Variants in AFAP1L2 observed in about 807,000 individuals in gnomAD.
The protein encoded by AFAP1L2 is actin filament-associated protein 1-like 2.
Under a neutral mutation model 99.3 loss-of-function variants are expected in AFAP1L2, and 46 were observed. The observed-to-expected ratio is 0.46, with a 90% confidence interval of 0.37 to 0.59. The LOEUF (loss-of-function observed/expected upper bound fraction) is 0.59, where lower values mean the gene tolerates loss of function less well. Among genes scored for constraint, AFAP1L2 ranks in the 20% least tolerant of loss-of-function variants. The pLI is 0.00. For missense variants in AFAP1L2, 959 were observed against 1,034.9 expected, an observed-to-expected ratio of 0.93 and a Z score of 1.01; for synonymous variants, 397 against 419.1, an observed-to-expected ratio of 0.95 and a Z score of 0.64.
At chr10:114,355,246 C>A (rs1487760508) in intron 1 of AFAP1L2, among the ~76,000 whole-genome samples, 1 of 128,284 alleles carries the variant, frequency 7.8e-6, no homozygotes, top group Non-Finnish European at 1.5e-5. Flanking sequence ...CCTTTCTCTT[C>A]TCGCTCTCTC....
intron 1 of AFAP1L2, among the ~76,000 whole-genome samples, chr10:114,346,653 C>T (rs75326452): frequency 0.015 from 2,338 of 152,324 alleles, 31 homozygotes; most frequent in Non-Finnish European, 0.023. Context: ...ACTTTCATTT[C>T]GGTCTCTTCC....
At chr10:114,381,005 T>C (rs1051725702) in intron 1 of AFAP1L2, among the ~76,000 whole-genome samples, 1 of 152,230 alleles carries the variant, frequency 6.6e-6, no homozygotes, top group Admixed American at 6.5e-5. Flanking sequence ...TGTATGTATA[T>C]GCATGTGTGT....
At chr10:114,324,356 G>A (rs2045872219) in intron 4 of AFAP1L2, among the ~76,000 whole-genome samples, 1 of 148,470 alleles carries the variant, frequency 6.7e-6, no homozygotes, top group African/African-American at 2.6e-5. Context: ...CAATTCTCTT[G>A]CTACAGTTTC....
downstream of AFAP1L2, among the ~76,000 whole-genome samples, chr10:114,293,559 C>G (rs2039797694): frequency 6.6e-6 from 1 of 152,228 alleles, no homozygotes; most frequent in Non-Finnish European, 1.5e-5. Flanking sequence ...AAGTGCTATC[C>G]TATGGCCTAA....
Position 114,302,236 on chromosome 10 carries a change from G to A in AFAP1L2, c.1430+103C>T, listed in dbSNP as rs1405438016. 6.0e-6 allele frequency: 9 copies of A among 1,496,716 alleles called. No individual in the cohort carries two copies. The South Asian group carries it at 1.1e-4, about 18-fold the overall frequency. 92.7% of individuals were successfully genotyped at this position (1,496,716 alleles called of 1,614,324 possible). ...TTTTCCTGCTGCTGGGCAGAGTGGG[G>A]TGGGACCCTGTGCTCCCTGCTGCCC... On this transcript the variant is annotated intron_variant, in intron 12 of 18. Transcript: ENST00000304129.
rs775870784 is a variant in AFAP1L2 at position 114,383,610 on chromosome 10, C to T, written c.16+20830G>A. ...AGATGTAAAATTACTACACTGAACT[C>T]CTTACAGAGTGAAATAGCAATTTGA... On this transcript the variant is annotated intron_variant, in intron 1 of 18. Coordinates refer to ENST00000304129, the MANE Select transcript of AFAP1L2 (RefSeq NM_001001936.3). 1.3e-5 allele frequency among the ~76,000 whole-genome samples: 2 copies of T among 152,124 alleles called. 1 individual carries two copies. The highest frequency in any genetic ancestry group is 2.9e-5 in the Non-Finnish European group (2 of 68,026).
At chr10:114,301,011 G>A (rs2041067112) in intron 13 of AFAP1L2, among the ~76,000 whole-genome samples, 1 of 152,176 alleles carries the variant, frequency 6.6e-6, no homozygotes, top group East Asian at 1.9e-4. Flanking sequence ...TGCCCAAAAC[G>A]TGGAAGTTGC....
chr10:114,308,253 T>C (rs544014200), intron 9 of AFAP1L2, among the ~76,000 whole-genome samples, 180 bp downstream of exon 9: 1 of 152,366 alleles, frequency 6.6e-6, no homozygotes, highest in South Asian at 2.1e-4. Flanking sequence ...CAGCATTTCA[T>C]GAAGCTTAAC....
chr10:114,286,099 A>G, the AFAP1L2 span: 1 of 1,614,168 alleles, frequency 6.2e-7, no homozygotes, highest in East Asian at 2.2e-5. Flanking sequence ...GTGTGGCCAC[A>G]TACAGCAGGG....
chr10:114,304,041 G>T (rs1024030625), intron 11 of AFAP1L2, among the ~76,000 whole-genome samples: 4 of 152,190 alleles, frequency 2.6e-5, no homozygotes, highest in Admixed American at 6.5e-5. Flanking sequence ...GTCTGTTGAT[G>T]GGGAACCTCT....
intron 1 of AFAP1L2, among the ~76,000 whole-genome samples, chr10:114,378,991 C>T (rs887256181): frequency 5.3e-5 from 8 of 152,110 alleles, no homozygotes; most frequent in African/African-American, 1.7e-4. Context: ...GCGGGCAGAT[C>T]GCCTGAGGTC....
chr10:114,378,050 A>C (rs1271601508), intron 1 of AFAP1L2, among the ~76,000 whole-genome samples: 3 of 152,238 alleles, frequency 2.0e-5, no homozygotes, highest in Non-Finnish European at 4.4e-5. Context: ...AACCCGTGTT[A>C]AGGGAAAGGT....
chr10:114,394,385 A>T (rs2057469934), intron 1 of AFAP1L2, among the ~76,000 whole-genome samples: 5 of 152,136 alleles, frequency 3.3e-5, no homozygotes. Flanking sequence ...AGAAGCCTGA[A>T]ATTCAAGCCA....
At chr10:114,379,695 T>A (rs1565042803) in intron 1 of AFAP1L2, among the ~76,000 whole-genome samples, 1 of 152,206 alleles carries the variant, frequency 6.6e-6, no homozygotes. Flanking sequence ...TCCGCATGGG[T>A]TTACCCCACA....
Position 114,302,395 on chromosome 10 carries a change from G to C in AFAP1L2, c.1374C>G (p.Asp458Glu). 2 of 1,614,154 alleles carry C rather than the reference G, an allele frequency of 1.2e-6. No individual in the cohort carries two copies. The highest frequency in any genetic ancestry group is 1.7e-6 in the Non-Finnish European group (2 of 1,180,008). ...SKTDPEEFTY[D>E]YVDADRVSCI... ...AGGAGACCCTATCGGCATCCACATA[G>C]TCGTAGGTGAACTCTTCTGGGTCTG... Residue 458 changes from aspartate (D) to glutamate (E), a missense_variant, in exon 12 of 19, where the codon GAC (aspartate) becomes GAG (glutamate). Asp to Glu is a conservative substitution (Grantham distance 45). This residue lies in a region of AFAP1L2 where 576 missense variants were observed against 562.1 expected (regional missense o/e 1.02). Transcript: ENST00000304129.
the AFAP1L2 span, chr10:114,285,986 G>T: frequency 6.2e-7 from 1 of 1,612,690 alleles, no homozygotes; most frequent in Non-Finnish European, 8.5e-7. Flanking sequence ...CTTCCTGCTG[G>T]ACAGCTCTGC....
rs140913356 is a variant in AFAP1L2 at position 114,304,833 on chromosome 10, C to T, written c.1170G>A (p.Lys390=). 79 of 1,613,482 alleles carry T rather than the reference C, an allele frequency of 4.9e-5. No individual in the cohort carries two copies. In the African/African-American group the frequency reaches 9.1e-4, roughly 19 times the overall value. ...LHFYQDRNRS[K]VAQQPLSLVG... ...CCAGGCTGAGGGGTTGCTGGGCCAC[C>T]TTGCTCCGGTTCCGGTCCTGGTAGA... Residue 390 remains lysine (K), a synonymous_variant, in exon 11 of 19, where the codon AAG becomes AAA. Coordinates refer to ENST00000304129, the MANE Select transcript of AFAP1L2 (RefSeq NM_001001936.3).
At chr10:114,315,096 G>A (rs937123924) in intron 6 of AFAP1L2, among the ~76,000 whole-genome samples, 4 of 152,202 alleles carry the variant, frequency 2.6e-5, no homozygotes, top group African/African-American at 9.6e-5. Flanking sequence ...AGCCAAGATT[G>A]CGCCACTGCA....
At chr10:114,389,458 T>C (rs1031826844) in intron 1 of AFAP1L2, among the ~76,000 whole-genome samples, 1 of 152,196 alleles carries the variant, frequency 6.6e-6, no homozygotes, top group Non-Finnish European at 1.5e-5. Context: ...GCTCAGAGTC[T>C]AGCGATCTTG....
Sources: allele counts gnomAD v4.1 joint callset (sites outside exome capture counted in the v4.1 genomes callset), GRCh38; gene constraint gnomAD v4.1.1; regional missense constraint gnomAD v4.1.1; transcripts MANE v1.5; gene names NCBI Gene and HGNC (gene_info 2026-07-23, HGNC 2026-07-21).